The following NRP1 variants were observed in gnomAD, a reference collection of about 807,000 sequenced individuals.
The protein encoded by NRP1 is neuropilin 1.
Under a neutral mutation model 106.7 loss-of-function variants are expected in NRP1, and 35 were observed. The ratio of observed to expected loss-of-function variants is 0.33; its 90% CI spans 0.25 to 0.43. The LOEUF is 0.43. NRP1 is among the 20% of genes least tolerant of loss of function. The probability of loss-of-function intolerance (pLI) is 1.00; values close to 1 mark genes in which losing one functional copy is unlikely to be tolerated. For synonymous variants in NRP1, 437 were observed against 417.9 expected, an observed-to-expected ratio of 1.05 and a Z score of -0.56; for missense variants, 1,024 against 1,170.4, an observed-to-expected ratio of 0.87 and a Z score of 1.83.
chr10:33,241,863 T>C (rs1227124910), intron 6 of NRP1, among the ~76,000 whole-genome samples: 1 of 152,222 alleles, frequency 6.6e-6, no homozygotes. Context: ...CATTCCAGTA[T>C]TGAAAAAGAA....
chr10:33,233,968 T>C (rs1400354907), intron 6 of NRP1, among the ~76,000 whole-genome samples: 3 of 152,178 alleles, frequency 2.0e-5, no homozygotes, highest in Admixed American at 1.3e-4. Flanking sequence ...TACCTGACCA[T>C]TGTGCTCATT....
rs753717961 is a variant in NRP1 at position 33,247,844 on chromosome 10, G to A, written c.981+6184C>T. On this transcript the variant is annotated intron_variant, in intron 6 of 16. Transcript: ENST00000374867. ...ATATCCACGTCCATTGTGTAAGACCGTGATTTCTCACAAGTTATATCTTTC... is the reference window on the plus strand; with the variant it reads ...ATATCCACGTCCATTGTGTAAGACCATGATTTCTCACAAGTTATATCTTTC... 3.9e-5 allele frequency among the ~76,000 whole-genome samples: 6 copies of A among 152,182 alleles called. No homozygotes were observed. The South Asian group carries it at 8.3e-4, about 21-fold the overall frequency.
intron 2 of NRP1, among the ~76,000 whole-genome samples, chr10:33,314,228 G>A (rs529067439): frequency 3.9e-5 from 6 of 152,106 alleles, no homozygotes; most frequent in Admixed American, 3.3e-4. Flanking sequence ...CTAAGACTAC[G>A]GGCGCATGGC....
At chr10:33,212,139 G>A (rs1169152927) in intron 9 of NRP1, 2 of 152,164 alleles carry the variant, frequency 1.3e-5, no homozygotes, top group East Asian at 1.9e-4. Context: ...GGTGGATGTT[G>A]GAATGGAATG....
intron 15 of NRP1, 53 bp downstream of exon 15, chr10:33,185,575 G>C (rs952058257): frequency 1.5e-6 from 2 of 1,341,398 alleles, no homozygotes; most frequent in African/African-American, 2.9e-5. Context: ...ATATTGGCAA[G>C]AGTCTTGCCC....
In NRP1 at chr10:33,186,244, C is replaced by T; in HGVS notation, c.2307G>A (p.Leu769=). 1 of 1,609,574 alleles carries T rather than the reference C, an allele frequency of 6.2e-7. No homozygotes were observed. The highest frequency in any genetic ancestry group is 8.5e-7 in the Non-Finnish European group (1 of 1,176,966). ...GATAAAGTTTCAGAGACTTGTGGAG[C>T]AAGACACGCCCTTCCTTCCAGTGGT... is the stretch of plus-strand genomic sequence containing the variant. ...QGDHWKEGRV[L]LHKSLKLYQV... Residue 769 remains leucine, a synonymous_variant, in exon 14 of 17, where the codon TTG becomes TTA. Transcript: ENST00000374867.
intron 11 of NRP1, among the ~76,000 whole-genome samples, chr10:33,198,341 C>T (rs1210238603): frequency 6.6e-6 from 1 of 151,860 alleles, no homozygotes; most frequent in Non-Finnish European, 1.5e-5. Flanking sequence ...AGGGTTTCAC[C>T]ATATTGGCCA....
intron 3 of NRP1, among the ~76,000 whole-genome samples, chr10:33,265,924 C>T (rs1824474929): frequency 1.3e-5 from 2 of 152,044 alleles, no homozygotes; most frequent in African/African-American, 4.8e-5. Flanking sequence ...GTCATTTATC[C>T]ACAAAGAAAA....
intron 6 of NRP1, among the ~76,000 whole-genome samples, chr10:33,248,625 A>C (rs900219582): frequency 5.3e-5 from 8 of 152,360 alleles, no homozygotes; most frequent in African/African-American, 9.6e-5. Context: ...CATGAAAACA[A>C]GCTTCTTCAG....
At chr10:33,264,024 T>G in intron 3 of NRP1, 151 bp from the exon 4 acceptor site, 1 of 598,262 alleles carries the variant, frequency 1.7e-6, no homozygotes, top group Non-Finnish European at 3.0e-6. Context: ...CTTTTCATAT[T>G]AGTAAAATGG....
At chr10:33,207,759 A>AG (rs1289220718) in intron 9 of NRP1, 43 bp from the exon 10 acceptor site, 1 of 1,594,616 alleles carries the variant, frequency 6.3e-7, no homozygotes, top group Non-Finnish European at 8.5e-7. Flanking sequence ...AAAAAAAAAA[A>AG]CAGAGCTCCC....
chr10:33,310,111 C>A (rs934304523), intron 2 of NRP1, among the ~76,000 whole-genome samples: 3 of 151,774 alleles, frequency 2.0e-5, no homozygotes, highest in African/African-American at 7.3e-5. Flanking sequence ...CCACGCCCGG[C>A]TAATTTTTTT....
At chr10:33,218,468 T>A (rs1051639584) in intron 8 of NRP1, among the ~76,000 whole-genome samples, 1 of 151,722 alleles carries the variant, frequency 6.6e-6, no homozygotes, top group Non-Finnish European at 1.5e-5. Context: ...GCCTCAGCCT[T>A]CTGAGTAGCT....
chr10:33,276,696 C>T (rs149073067), intron 2 of NRP1, among the ~76,000 whole-genome samples: 2 of 152,192 alleles, frequency 1.3e-5, no homozygotes, highest in East Asian at 3.9e-4. Flanking sequence ...TGTGTCCTTA[C>T]TTTAGGATTA....
In NRP1 at chr10:33,202,571, G is replaced by T. The variant is rs565297704; in HGVS notation, c.1864+320C>A. On this transcript the variant is annotated intron_variant, in intron 11 of 16. Transcript: ENST00000374867. ...TAGGGGTGGTGCACGTGTTATTGGG[G>T]GGGGGTCTGAAAATAATGAAAATAA... The T allele has an allele frequency of 4.2e-6, 6 of 1,416,814 alleles. No homozygotes were observed. The East Asian group carries it at 1.1e-4, about 26-fold the overall frequency. 87.8% of individuals were successfully genotyped at this position (1,416,814 alleles called of 1,614,324 possible).
chr10:33,241,658 G>A (rs1035708233), intron 6 of NRP1, among the ~76,000 whole-genome samples: 1 of 151,938 alleles, frequency 6.6e-6, no homozygotes, highest in African/African-American at 2.4e-5. Context: ...GGTGGTGGTG[G>A]TGGTGTGTGT....
chr10:33,304,992 G>T lies in NRP1; in HGVS notation c.248+25716C>A, dbSNP rs1448218376. Among the ~76,000 whole-genome samples the T allele has an allele frequency of 2.6e-5, 4 of 152,234 alleles. No individual in the cohort carries two copies. In the East Asian group the frequency reaches 7.7e-4, roughly 29 times the overall value. On this transcript the variant is annotated intron_variant, in intron 2 of 16. Coordinates refer to ENST00000374867, the MANE Select transcript of NRP1 (RefSeq NM_003873.7). The stretch of plus-strand genomic sequence containing the variant: ...ATTCTTTGAAATTGAAGAATGACTT[G>T]CTGTAGAGCATTGTGCTCCATGATG...
At chr10:33,222,075 TCTG>T (rs1323145065) in intron 7 of NRP1, among the ~76,000 whole-genome samples, 1 of 151,984 alleles carries the variant, frequency 6.6e-6, no homozygotes, top group African/African-American at 2.4e-5. Flanking sequence ...GATTCAATTT[TCTG>T]AGAGGCTAGA....
intron 5 of NRP1, 79 bp from the exon 6 acceptor site, chr10:33,254,273 C>A: frequency 7.9e-7 from 1 of 1,258,620 alleles, no homozygotes; most frequent in Non-Finnish European, 1.1e-6. Flanking sequence ...CTTGATACAC[C>A]AAAGAGTTCT....
Sources: allele counts gnomAD v4.1 joint callset (sites outside exome capture counted in the v4.1 genomes callset), GRCh38; gene constraint gnomAD v4.1.1; transcripts MANE v1.5; gene names NCBI Gene and HGNC (gene_info 2026-07-23, HGNC 2026-07-21).